The following SPAM1 variants were observed in gnomAD, a reference collection of about 807,000 sequenced individuals.
The protein encoded by SPAM1 is sperm adhesion molecule 1.
A neutral mutation model predicts 29.6 loss-of-function variants in SPAM1; 22 were observed. The observed-to-expected ratio is 0.74, with a 90% confidence interval of 0.53 to 1.06. The LOEUF is 1.06. Among genes scored for constraint, SPAM1 ranks in the 50% least tolerant of loss-of-function variants. The probability of loss-of-function intolerance (pLI) is 0.00; values close to 1 mark genes in which losing one functional copy is unlikely to be tolerated. For missense variants in SPAM1, 534 were observed against 604.0 expected, an observed-to-expected ratio of 0.88 and a Z score of 1.21; for synonymous variants, 194 against 204.6, an observed-to-expected ratio of 0.95 and a Z score of 0.44.
downstream of SPAM1, among the ~76,000 whole-genome samples, chr7:123,960,372 C>A (rs1184399470): frequency 6.6e-6 from 1 of 151,890 alleles, no homozygotes; most frequent in Non-Finnish European, 1.5e-5. Flanking sequence ...TACAAGCCAT[C>A]AGTAACATGT....
At chr7:123,930,653 A>C (rs1192154626) in intron 1 of SPAM1, among the ~76,000 whole-genome samples, 1 of 152,212 alleles carries the variant, frequency 6.6e-6, no homozygotes, top group Non-Finnish European at 1.5e-5. Flanking sequence ...ACTTCCCAGC[A>C]CTGGCAAAGC....
intron 1 of SPAM1, among the ~76,000 whole-genome samples, chr7:123,937,509 G>T (rs559060813): frequency 5.1e-4 from 76 of 149,864 alleles, no homozygotes; most frequent in Admixed American, 3.4e-3. Flanking sequence ...GCTGAGGCAG[G>T]AGAATGGATT....
rs533729620 is a variant in SPAM1, at chr7:123,956,819, CT to C, written c.1044+1735del. ...TACCATAATGTGTAATGGTGGTGTA[CT>C]TGATTCCCAGATCTGCATTCAGTAA... On this transcript the variant is annotated intron_variant, in intron 4 of 4. Transcript: ENST00000682466. Among the ~76,000 whole-genome samples the C allele has an allele frequency of 6.4e-4, 97 of 151,996 alleles. 1 individual carries two copies. The highest frequency in any genetic ancestry group is 2.2e-3 in the African/African-American group (92 of 41,506).
At chr7:123,961,700 C>T (rs1235136961), downstream of SPAM1, among the ~76,000 whole-genome samples, 2 of 151,822 alleles carry the variant, frequency 1.3e-5, no homozygotes, top group African/African-American at 2.4e-5. Flanking sequence ...TTGCTGTATC[C>T]TATGTGTATT....
intron 2 of SPAM1, among the ~76,000 whole-genome samples, chr7:123,951,890 C>T (rs1203506279): frequency 6.6e-6 from 1 of 151,986 alleles, no homozygotes; most frequent in African/African-American, 2.4e-5. Context: ...CCAAAGTGCT[C>T]GGATTACAGG....
intron 1 of SPAM1, among the ~76,000 whole-genome samples, chr7:123,937,903 G>C (rs895001800): frequency 1.3e-5 from 2 of 152,060 alleles, no homozygotes; most frequent in African/African-American, 4.8e-5. Flanking sequence ...GTGAATGTGA[G>C]AAGACAGAAA....
intron 1 of SPAM1, among the ~76,000 whole-genome samples, chr7:123,929,082 TA>T (rs1170496601): frequency 6.6e-6 from 1 of 152,220 alleles, no homozygotes; most frequent in African/African-American, 2.4e-5. Flanking sequence ...TTCCGTATTC[TA>T]GACAGGATTT....
At chr7:123,928,792 G>GC (rs1053657398) in intron 1 of SPAM1, among the ~76,000 whole-genome samples, 2 of 152,042 alleles carry the variant, frequency 1.3e-5, no homozygotes, top group African/African-American at 4.8e-5. Context: ...CAGGACAATT[G>GC]TTTTTTTCAA....
chr7:123,959,910 G>C lies in SPAM1; in HGVS notation c.1471G>C (p.Ala491Pro), dbSNP rs772980432. The change falls in exon 5 of 5, where the codon GCC (alanine) becomes CCC (proline). Residue 491 changes from alanine (A) to proline (P), a missense_variant. Transcript: ENST00000682466. Reference sequence around the variant, plus strand: ...CAATGCTTCACCCTCCACACTATCTGCCACAATGTTCATTGTTAGTATTTT... The same window carrying C: ...CAATGCTTCACCCTCCACACTATCTCCCACAATGTTCATTGTTAGTATTTT... ...FYNASPSTLS[A>P]TMFIVSILFL... 11 of 1,612,018 alleles carry C rather than the reference G, an allele frequency of 6.8e-6. No homozygotes were observed. Among genetic ancestry groups the C allele is most frequent in the Admixed American group, 5.0e-5 (3 of 59,696 alleles).
At chr7:123,951,794 G>C (rs923166433) in intron 2 of SPAM1, among the ~76,000 whole-genome samples, 23 of 151,926 alleles carry the variant, frequency 1.5e-4, no homozygotes, top group African/African-American at 5.3e-4. Flanking sequence ...GCTAATTTTT[G>C]TATTTCTAGT....
rs1425620148 is a variant in SPAM1 at position 123,946,986 on chromosome 7, C to G, written c.-318-2886C>G. 2.0e-5 allele frequency among the ~76,000 whole-genome samples: 3 copies of G among 152,208 alleles called. No individual in the cohort carries two copies. The East Asian group carries it at 5.8e-4, about 29-fold the overall frequency. ...GAAGCAGGTTTGCCTGACATAGTTT[C>G]TAGGTTGACGTTTCCCTTGGCTTAG... On this transcript the variant is annotated intron_variant, in intron 1 of 4. Coordinates refer to ENST00000682466, the MANE Select transcript of SPAM1 (RefSeq NM_153189.3).
chr7:123,929,694 C>T lies in SPAM1; in HGVS notation c.-319+4342C>T, dbSNP rs72607718. ...TGCAGCTGATGGGGTCTGATTATAT[C>T]GACCAAGAAAGTAGATGGAATTATA... On this transcript the variant is annotated intron_variant, in intron 1 of 4. Coordinates refer to ENST00000682466, the MANE Select transcript of SPAM1 (RefSeq NM_153189.3). Among the ~76,000 whole-genome samples the T allele has an allele frequency of 3.5e-3, 533 of 152,076 alleles. 17 individuals carry two copies. In the East Asian group the frequency reaches 0.078, roughly 22 times the overall value.
At chr7:123,965,945 C>A (rs1792419220) in intron 5 of SPAM1, among the ~76,000 whole-genome samples, 1 of 151,912 alleles carries the variant, frequency 6.6e-6, no homozygotes, top group South Asian at 2.1e-4. Flanking sequence ...AACTAAAGAG[C>A]TTCTGAACAG....
At chr7:123,961,905 A>G (rs1792364169), downstream of SPAM1, among the ~76,000 whole-genome samples, 1 of 151,968 alleles carries the variant, frequency 6.6e-6, no homozygotes, top group Non-Finnish European at 1.5e-5. Flanking sequence ...TTATGAAATC[A>G]TCAGGTCTTG....
intron 5 of SPAM1, among the ~76,000 whole-genome samples, chr7:123,968,368 C>T (rs962198035): frequency 6.6e-6 from 1 of 152,054 alleles, no homozygotes; most frequent in African/African-American, 2.4e-5. Context: ...ACTGTCATGA[C>T]GCTGGCAGGC....
intron 3 of SPAM1, 41 bp downstream of exon 3, chr7:123,954,565 C>G: frequency 7.7e-7 from 1 of 1,294,016 alleles, no homozygotes; most frequent in Non-Finnish European, 1.1e-6. Context: ...ATGAAATTCA[C>G]AAAAGATGTT....
At chr7:123,946,575 C>G (rs751632027) in intron 1 of SPAM1, among the ~76,000 whole-genome samples, 2 of 152,120 alleles carry the variant, frequency 1.3e-5, no homozygotes, top group Non-Finnish European at 2.9e-5. Context: ...GGTTAGGGTA[C>G]AGCTTGCTTT....
intron 4 of SPAM1, among the ~76,000 whole-genome samples, chr7:123,958,207 T>C (rs767267119): frequency 1.1e-4 from 17 of 152,032 alleles, no homozygotes; most frequent in South Asian, 2.1e-4. Context: ...TTCACATGCC[T>C]GCATATCTAC....
intron 1 of SPAM1, among the ~76,000 whole-genome samples, chr7:123,948,425 G>A (rs1361595902): frequency 6.6e-6 from 1 of 152,142 alleles, no homozygotes; most frequent in African/African-American, 2.4e-5. Context: ...CATTTTTCAT[G>A]TTAAAGAATG....
Sources: gnomAD v4.1 joint callset for allele counts (sites outside exome capture counted in the v4.1 genomes callset) on GRCh38, gnomAD v4.1.1 for gene constraint, MANE v1.5 for transcripts, NCBI Gene and HGNC (gene_info 2026-07-23, HGNC 2026-07-21) for gene names.